DPF3: variants seen among roughly 807,000 people sequenced by gnomAD.
DPF3 encodes the protein zinc finger protein DPF3.
A neutral mutation model predicts 56.8 loss-of-function variants in DPF3; 18 were observed. That is an observed-to-expected ratio of 0.32 (90% CI 0.22 to 0.47). The LOEUF (loss-of-function observed/expected upper bound fraction) is 0.47. DPF3 is among the 20% of genes least tolerant of loss of function. The pLI, the probability that DPF3 is intolerant of heterozygous loss-of-function variation, is 1.00. For missense variants in DPF3, 403 were observed against 488.8 expected, an observed-to-expected ratio of 0.82 and a Z score of 1.65; for synonymous variants, 188 against 180.2, an observed-to-expected ratio of 1.04 and a Z score of -0.35.
intron 1 of DPF3, among the ~76,000 whole-genome samples, chr14:72,810,082 A>G (rs1370978758): frequency 1.3e-5 from 2 of 152,196 alleles, no homozygotes; most frequent in Non-Finnish European, 2.9e-5. Context: ...GACTTGTACA[A>G]ATGCCTTCTT....
intron 6 of DPF3, among the ~76,000 whole-genome samples, chr14:72,711,378 C>G (rs1888645389): frequency 6.6e-6 from 1 of 152,074 alleles, no homozygotes; most frequent in South Asian, 2.1e-4. Flanking sequence ...GGACCAAATG[C>G]AGACTGATTT....
chr14:72,755,439 GGA>G (rs1890752846), intron 2 of DPF3, among the ~76,000 whole-genome samples: 1 of 152,130 alleles, frequency 6.6e-6, no homozygotes, highest in Non-Finnish European at 1.5e-5. Context: ...CTGCTGGATT[GGA>G]GACACTCTGC....
chr14:72,794,480 A>G (rs1366027202), intron 1 of DPF3, among the ~76,000 whole-genome samples: 2 of 152,226 alleles, frequency 1.3e-5, no homozygotes, highest in East Asian at 1.9e-4. Flanking sequence ...CAGCGGGGTC[A>G]GCAGTCAGAA....
intron 7 of DPF3, among the ~76,000 whole-genome samples, chr14:72,678,640 T>C (rs1253895210): frequency 6.6e-6 from 1 of 152,194 alleles, no homozygotes; most frequent in African/African-American, 2.4e-5. Context: ...GCCCAGACCT[T>C]GTAAGTGGGA....
intron 7 of DPF3, among the ~76,000 whole-genome samples, chr14:72,680,101 A>G (rs1233231806): frequency 6.6e-6 from 1 of 152,140 alleles, no homozygotes; most frequent in Non-Finnish European, 1.5e-5. Flanking sequence ...GAGCCAGGAG[A>G]GGGTTAAAAG....
chr14:72,884,475 C>T (rs1422989449), intron 1 of DPF3, among the ~76,000 whole-genome samples: 2 of 152,136 alleles, frequency 1.3e-5, no homozygotes, highest in African/African-American at 4.8e-5. Flanking sequence ...CTCACATTTG[C>T]ACTTTCCACC....
In DPF3 at chr14:72,657,955, CAAAAG is replaced by C. The variant is rs550215683; in HGVS notation, c.871+16280_871+16284del. ...CAGAATAACCTCCTCTCCAACCCAA[CAAAAG>C]AAAACAAAACCAGAAAACAACCATG... On this transcript the variant is annotated intron_variant, in intron 8 of 10. Transcript: ENST00000556509. Among the ~76,000 whole-genome samples the C allele has an allele frequency of 6.0e-4, 91 of 152,256 alleles. 1 individual carries two copies. The Middle Eastern group carries it at 0.01, about 17-fold the overall frequency.
intron 7 of DPF3, among the ~76,000 whole-genome samples, chr14:72,681,936 C>T (rs538093577): frequency 1.3e-5 from 2 of 152,278 alleles, no homozygotes; most frequent in East Asian, 1.9e-4. Flanking sequence ...AGGAATGGGT[C>T]GGATATGCTG....
Position 72,709,812 on chromosome 14 carries a change from T to C in DPF3, c.604+4611A>G, listed in dbSNP as rs185118739. 4.6e-3 allele frequency among the ~76,000 whole-genome samples: 704 copies of C among 152,068 alleles called. 11 individuals carry two copies. In the South Asian group the frequency reaches 0.054, roughly 12 times the overall value. ...AACTGTCCCTGCCTCTCCAGGTTGG[T>C]GTGGGGGTTTACAGAAATAATCCAT... On this transcript the variant is annotated intron_variant, in intron 6 of 10. Coordinates refer to ENST00000556509, the MANE Select transcript of DPF3 (RefSeq NM_001280542.3).
intron 3 of DPF3, chr14:72,742,819 G>T (rs1347320754): frequency 6.6e-6 from 1 of 152,344 alleles, no homozygotes; most frequent in African/African-American, 2.4e-5. Context: ...CATCTGTAGA[G>T]TTCTGGCAGT....
chr14:72,796,799 ACTATCATTGTCGATAGTTGAGT>A (rs1446041743), intron 1 of DPF3, among the ~76,000 whole-genome samples: 2 of 152,112 alleles, frequency 1.3e-5, no homozygotes, highest in Non-Finnish European at 2.9e-5. Context: ...GCAAGCTACA[ACTATCATTGTCGATAGTTGAGT>A]CTGGAATCAC....
intron 6 of DPF3, among the ~76,000 whole-genome samples, chr14:72,694,198 G>A (rs1052778127): frequency 6.6e-6 from 1 of 152,116 alleles, no homozygotes; most frequent in Non-Finnish European, 1.5e-5. Flanking sequence ...TCATTATCTC[G>A]GCCCCTAGGG....
intron 8 of DPF3, chr14:72,669,884 A>C (rs1306793374): frequency 4.1e-6 from 4 of 985,708 alleles, no homozygotes; most frequent in Non-Finnish European, 4.8e-6. Flanking sequence ...AAGGAAAAAG[A>C]AAAAGAAAAC....
At chr14:72,756,842 AAGAAAG>A (rs1567222854) in intron 2 of DPF3, among the ~76,000 whole-genome samples, 4 of 117,862 alleles carry the variant, frequency 3.4e-5, no homozygotes, top group Non-Finnish European at 7.4e-5. Flanking sequence ...GAAAGAAAGA[AAGAAAG>A]AAAGAAAGAA....
At chr14:72,820,659 A>C (rs1281064579) in intron 1 of DPF3, among the ~76,000 whole-genome samples, 2 of 152,234 alleles carry the variant, frequency 1.3e-5, no homozygotes, top group African/African-American at 4.8e-5. Context: ...ACCTGTGCTA[A>C]GGAATAAACA....
At chr14:72,651,264 A>G (rs1029695923) in intron 8 of DPF3, among the ~76,000 whole-genome samples, 5 of 152,302 alleles carry the variant, frequency 3.3e-5, no homozygotes, top group African/African-American at 1.2e-4. Context: ...CTTCCTGTTC[A>G]GCCACCACAG....
intron 1 of DPF3, among the ~76,000 whole-genome samples, chr14:72,833,587 C>A (rs1172896206): frequency 6.6e-6 from 1 of 151,904 alleles, no homozygotes; most frequent in Non-Finnish European, 1.5e-5. Flanking sequence ...AATTTAAGGG[C>A]AGTCAGGGAA....
intron 5 of DPF3, among the ~76,000 whole-genome samples, chr14:72,722,861 G>A (rs1160718463): frequency 2.0e-5 from 3 of 152,016 alleles, no homozygotes; most frequent in South Asian, 4.1e-4. Context: ...CTTCCACCTG[G>A]GTTTTTTCCC....
chr14:72,733,441 G>A lies in DPF3; in HGVS notation c.302-1507C>T, dbSNP rs558243286. 3.3e-5 allele frequency among the ~76,000 whole-genome samples: 5 copies of A among 152,202 alleles called. No individual in the cohort carries two copies. In the South Asian group the frequency reaches 6.2e-4, roughly 19 times the overall value. On this transcript the variant is annotated intron_variant, in intron 3 of 10. Transcript: ENST00000556509. ...GTGAGGGTGGAGAGGGGCCATTACCGCTGCTGCTATTTTTGGAGGGACAGA... is the reference window on the plus strand; with the variant it reads ...GTGAGGGTGGAGAGGGGCCATTACCACTGCTGCTATTTTTGGAGGGACAGA...
Sources: gnomAD v4.1 joint callset for allele counts (sites outside exome capture counted in the v4.1 genomes callset) on GRCh38, gnomAD v4.1.1 for gene constraint, MANE v1.5 for transcripts, NCBI Gene and HGNC (gene_info 2026-07-23, HGNC 2026-07-21) for gene names.